Variants in CHN2 observed in about 807,000 individuals in gnomAD.
CHN2 encodes the protein chimerin 2, also known as beta-chimaerin.
CHN2 carries 35 observed loss-of-function variants against 56.3 expected under a neutral mutation model. The observed-to-expected ratio is 0.62, with a 90% CI of 0.47 to 0.82. The LOEUF is 0.82. Ranked by LOEUF, CHN2 falls within the 40% of genes least tolerant of loss-of-function variation. CHN2 has a pLI of 0.00. For missense variants in CHN2, 491 were observed against 580.5 expected (o/e 0.85, Z 1.58); for synonymous variants, 210 against 212.8 (o/e 0.99, Z 0.12).
rs1790696513 is a variant in CHN2, at chr7:29,507,381, T to A, written c.1129+16T>A. ...GATGCAGCAAGTAAGTACTTCAAAT[T>A]AATTTTTTATTTCTACCAAATTTTT... On this transcript the variant is annotated intron_variant, in intron 11 of 12. Coordinates refer to ENST00000222792, the MANE Select transcript of CHN2 (RefSeq NM_004067.4). 6.3e-7 allele frequency: 1 copy of A among 1,578,556 alleles called. No homozygotes were observed. The highest frequency in any genetic ancestry group is 8.6e-7 in the Non-Finnish European group (1 of 1,160,088).
At chr7:29,371,511 A>G (rs183479125) in intron 3 of CHN2, among the ~76,000 whole-genome samples, 1 of 152,322 alleles carries the variant, frequency 6.6e-6, no homozygotes, top group East Asian at 1.9e-4. Context: ...TGCTTTTTCC[A>G]TCAACTATCA....
At chr7:29,321,570 C>CTTTCT (rs1554400949) in intron 1 of CHN2, among the ~76,000 whole-genome samples, 1,784 of 128,194 alleles carry the variant, frequency 0.014, 18 homozygotes, top group Non-Finnish European at 0.022. Context: ...TTCTTTCTTT[C>CTTTCT]TTTTTTTTTT....
chr7:29,251,759 G>C (rs1042958540), intron 1 of CHN2, among the ~76,000 whole-genome samples: 1 of 152,212 alleles, frequency 6.6e-6, no homozygotes. Flanking sequence ...AAAACTGTGA[G>C]TGTTTACTTT....
Position 29,398,455 on chromosome 7 carries a change from C to A in CHN2, c.259C>A (p.Arg87=), listed in dbSNP as rs950872576. The change falls in exon 5 of 13, where the codon CGG becomes AGG. Residue 87 remains arginine, a synonymous_variant. Transcript: ENST00000222792. The stretch of plus-strand genomic sequence containing the variant: ...TGCCTACATCCTTAGAGAAAGCCAG[C>A]GGCAACCAGGATGCTACACGCTGGC... ...EGAYILRESQ[R]QPGCYTLALR... is the part of the protein sequence containing the mutation. 1.9e-6 allele frequency: 3 copies of A among 1,613,004 alleles called. No individual in the cohort carries two copies. In the Admixed American group the frequency reaches 5.0e-5, roughly 27 times the overall value.
In CHN2 at chr7:29,167,932, T is replaced by C. The variant is rs115350653; in HGVS notation, c.274+20972T>C. 3.2e-3 allele frequency among the ~76,000 whole-genome samples: 483 copies of C among 152,314 alleles called. 2 individuals are homozygous for C. The highest frequency in any genetic ancestry group is 0.011 in the African/African-American group (462 of 41,562). On this transcript the variant is annotated intron_variant, in intron 2 of 6. Transcript: ENST00000439384. ...TTTCCTTCCCTCTGACAAGGAGGCC[T>C]ACAACATCGGAGGTAACTGTTGTGT...
chr7:29,497,330 C>A (rs1789413184), intron 8 of CHN2, among the ~76,000 whole-genome samples: 1 of 152,134 alleles, frequency 6.6e-6, no homozygotes, highest in South Asian at 2.1e-4. Flanking sequence ...TTGTACCTAT[C>A]AAAAATATCC....
chr7:29,194,623 G>T (rs946154203), upstream of CHN2: 45 of 284,260 alleles, frequency 1.6e-4, no homozygotes, highest in African/African-American at 9.5e-4. Flanking sequence ...GGACGGCAGA[G>T]GGGCTCGGCG....
chr7:29,472,992 A>G (rs1004638787), intron 6 of CHN2, among the ~76,000 whole-genome samples: 9 of 152,190 alleles, frequency 5.9e-5, no homozygotes, highest in African/African-American at 2.2e-4. Flanking sequence ...CCTAGGTCAT[A>G]ATTTTAAAAT....
In CHN2 at chr7:29,504,752, T is replaced by G; in HGVS notation, c.922T>G (p.Ser308Ala). 6.2e-7 allele frequency: 1 copy of G among 1,608,366 alleles called. No homozygotes were observed. The highest frequency in any genetic ancestry group is 1.3e-5 in the African/African-American group (1 of 74,464). Reference protein sequence around the residue: ...IREIEARGLKSEGLYRVSGFT... With the variant: ...IREIEARGLKAEGLYRVSGFT... ...CTCTCTCTCTCTAACAGGATTAAAA[T>G]CGGAAGGCCTTTACAGAGTCTCTGG... Residue 308 changes from serine to alanine, a missense_variant, in exon 10 of 13, where the codon TCG becomes GCG. Ser to Ala is a moderately conservative substitution (Grantham distance 99). Transcript: ENST00000222792.
intron 1 of CHN2, among the ~76,000 whole-genome samples, chr7:29,203,595 G>T (rs1784317115): frequency 6.6e-6 from 1 of 151,938 alleles, no homozygotes; most frequent in Non-Finnish European, 1.5e-5. Flanking sequence ...TACATGCGTG[G>T]CTTACATTAT....
chr7:29,354,570 T>C, intron 1 of CHN2, 55 bp from the exon 2 acceptor site: 2 of 1,513,080 alleles, frequency 1.3e-6, no homozygotes, highest in Non-Finnish European at 1.8e-6. Context: ...AAGACACATG[T>C]TGACAGCTTG....
At chr7:29,427,837 A>T (rs528882840) in intron 6 of CHN2, among the ~76,000 whole-genome samples, 81 of 151,856 alleles carry the variant, frequency 5.3e-4, no homozygotes, top group African/African-American at 1.9e-3. Flanking sequence ...TTGTATTTTT[A>T]GTAGAGACAG....
chr7:29,390,097 C>T (rs866134631), intron 3 of CHN2, among the ~76,000 whole-genome samples: 23 of 151,080 alleles, frequency 1.5e-4, no homozygotes, highest in African/African-American at 5.4e-4. Context: ...TGCATGGTCA[C>T]ACCATATACA....
At chr7:29,471,156 G>C (rs1156650951) in intron 6 of CHN2, among the ~76,000 whole-genome samples, 2 of 152,194 alleles carry the variant, frequency 1.3e-5, no homozygotes, top group African/African-American at 4.8e-5. Context: ...ATTGGACTAA[G>C]ACTTTTAAAG....
At chr7:29,324,821 G>C (rs575861174) in intron 1 of CHN2, among the ~76,000 whole-genome samples, 9 of 152,230 alleles carry the variant, frequency 5.9e-5, no homozygotes, top group African/African-American at 1.9e-4. Context: ...AGTTTAATTT[G>C]ATCCACTGTA....
At chr7:29,156,235 C>G (rs185080333) in intron 2 of CHN2, among the ~76,000 whole-genome samples, 24 of 152,310 alleles carry the variant, frequency 1.6e-4, no homozygotes, top group Admixed American at 1.6e-3. Flanking sequence ...TGTGGCCTGT[C>G]GCCTTCCTTG....
In CHN2 at chr7:29,442,934, C is replaced by CTTTTTTTTTTTTTTTTTTTTTTTTTTTTT. The variant is rs541792526; in HGVS notation, c.577-37328_577-37327insTTTTTTTTTTTTTTTTTTTTTTTTTTTTT. On this transcript the variant is annotated intron_variant, in intron 6 of 12. Coordinates refer to ENST00000222792, the MANE Select transcript of CHN2 (RefSeq NM_004067.4). ...CATCGCTTTCAATTTCATTGAATTT[C>CTTTTTTTTTTTTTTTTTTTTTTTTTTTTT]TTTTTTTTTTTTTTTTTGAGACGGA... Among the ~76,000 whole-genome samples, 10 of 103,066 alleles carry CTTTTTTTTTTTTTTTTTTTTTTTTTTTTT rather than the reference C, an allele frequency of 9.7e-5. 3 individuals carry two copies. The highest frequency in any genetic ancestry group is 2.8e-4 in the East Asian group (1 of 3,590). 67.6% of individuals were successfully genotyped at this position (103,066 alleles called of 152,430 possible).
intron 6 of CHN2, among the ~76,000 whole-genome samples, chr7:29,431,736 A>G (rs1782874237): frequency 6.6e-6 from 1 of 152,112 alleles, no homozygotes; most frequent in South Asian, 2.1e-4. Context: ...ACCATCTAAC[A>G]CCTGTATTGG....
chr7:29,492,136 G>T (rs1012247681), intron 7 of CHN2, among the ~76,000 whole-genome samples: 46 of 152,160 alleles, frequency 3.0e-4, no homozygotes, highest in African/African-American at 1.1e-3. Flanking sequence ...ATAATTAGCT[G>T]GGTGTAAAAG....
Sources: gnomAD v4.1 joint callset for allele counts (sites outside exome capture counted in the v4.1 genomes callset) on GRCh38, gnomAD v4.1.1 for gene constraint, MANE v1.5 for transcripts, NCBI Gene and HGNC (gene_info 2026-07-23, HGNC 2026-07-21) for gene names.